PANK1: variants seen among roughly 807,000 people sequenced by gnomAD.
PANK1 encodes pantothenate kinase 1, also known as pantothenic acid kinase 1.
PANK1 carries 18 observed loss-of-function variants against 40.1 expected under a neutral mutation model. That is an observed-to-expected ratio of 0.45 (90% confidence interval 0.31 to 0.67). The LOEUF is 0.67. Among genes scored for constraint, PANK1 ranks in the 30% least tolerant of loss-of-function variants. PANK1 has a pLI of 0.06. For missense variants in PANK1, 457 were observed against 599.6 expected (o/e 0.76, Z 2.48); for synonymous variants, 242 against 237.7 (o/e 1.02, Z -0.17).
chr10:89,613,825 C>A (rs1429458426), intron 1 of PANK1, among the ~76,000 whole-genome samples: 1 of 152,220 alleles, frequency 6.6e-6, no homozygotes, highest in Non-Finnish European at 1.5e-5. Context: ...GCATGGGCCA[C>A]AGTGTAGGAG....
At chr10:89,631,126 T>C (rs750628804) in intron 1 of PANK1, among the ~76,000 whole-genome samples, 10 of 152,206 alleles carry the variant, frequency 6.6e-5, no homozygotes, top group Admixed American at 2.0e-4. Context: ...AGTATAAAAG[T>C]TGATATTAAT....
intron 3 of PANK1, among the ~76,000 whole-genome samples, chr10:89,595,951 TGTAGCTAG>T (rs1165779218): frequency 6.7e-6 from 1 of 148,330 alleles, no homozygotes; most frequent in Non-Finnish European, 1.5e-5. Flanking sequence ...TGGAAAATTA[TGTAGCTAG>T]GTACCACCAG....
At chr10:89,594,982 T>C (rs1268325012) in intron 3 of PANK1, among the ~76,000 whole-genome samples, 2 of 152,390 alleles carry the variant, frequency 1.3e-5, no homozygotes, top group Admixed American at 6.5e-5. Context: ...CACATCCATC[T>C]GTTCTGAAGC....
At chr10:89,614,539 T>A (rs7905270) in intron 1 of PANK1, among the ~76,000 whole-genome samples, 82,470 of 151,874 alleles carry the variant, frequency 0.54, 23,251 homozygotes, top group South Asian at 0.63. Context: ...GGCTCACACC[T>A]GTAATCCTAG....
chr10:89,584,531 C>G, intron 6 of PANK1, 66 bp from the exon 7 acceptor site: 2 of 1,014,664 alleles, frequency 2.0e-6, no homozygotes, highest in Non-Finnish European at 3.1e-6. Context: ...TTTAATAATT[C>G]TAGGAATGCC....
intron 1 of PANK1, among the ~76,000 whole-genome samples, chr10:89,632,992 A>T (rs1841695884): frequency 6.6e-6 from 1 of 152,186 alleles, no homozygotes; most frequent in African/African-American, 2.4e-5. Flanking sequence ...CAATAATTCA[A>T]TTAGTATTAC....
At chr10:89,592,834 G>A (rs1284753499) in intron 5 of PANK1, 5 of 538,544 alleles carry the variant, frequency 9.3e-6, no homozygotes, top group African/African-American at 5.7e-5. Flanking sequence ...AGAGAATATC[G>A]AATATTGCAA....
chr10:89,588,731 A>G lies in PANK1; in HGVS notation c.1247T>C (p.Met416Thr). The G allele has an allele frequency of 6.2e-7, 1 of 1,604,836 alleles. No homozygotes were observed. The highest frequency in any genetic ancestry group is 1.7e-5 in the Admixed American group (1 of 59,102). ...ATATGCCAGCAGCTTCATGGAGACC[A>G]TATTGATTCTGAGAAAATTTCCAAC... ...VFVGNFLRINMVSMKLLAYAM... is the reference protein window; with the variant it reads ...VFVGNFLRINTVSMKLLAYAM... The change falls in exon 6 of 7, where the codon ATG becomes ACG. Residue 416 changes from methionine (M) to threonine (T), a missense_variant. Transcript: ENST00000307534.
chr10:89,609,266 T>C (rs757948102), intron 2 of PANK1, among the ~76,000 whole-genome samples: 4 of 152,166 alleles, frequency 2.6e-5, no homozygotes, highest in Admixed American at 6.5e-5. Flanking sequence ...GGTTACACCA[T>C]GTTGGCCAGG....
At chr10:89,617,883 A>G (rs1400122604) in intron 1 of PANK1, among the ~76,000 whole-genome samples, 1 of 152,240 alleles carries the variant, frequency 6.6e-6, no homozygotes, top group African/African-American at 2.4e-5. Flanking sequence ...ACTGCCAAAG[A>G]AACTGCAATC....
At chr10:89,618,866 C>T (rs558649086) in intron 1 of PANK1, among the ~76,000 whole-genome samples, 9 of 152,320 alleles carry the variant, frequency 5.9e-5, no homozygotes, top group African/African-American at 2.2e-4. Context: ...ATGGAGCTTC[C>T]AGCCACCTTT....
intron 6 of PANK1, among the ~76,000 whole-genome samples, chr10:89,587,637 G>A (rs74430665): frequency 0.037 from 5,566 of 152,216 alleles, 375 homozygotes; most frequent in East Asian, 0.27. Context: ...GATAACTACA[G>A]GACTCCAATC....
intron 1 of PANK1, among the ~76,000 whole-genome samples, chr10:89,618,580 A>G (rs1306727419): frequency 6.6e-6 from 1 of 152,200 alleles, no homozygotes; most frequent in Non-Finnish European, 1.5e-5. Flanking sequence ...CTGTGTCACT[A>G]GTGCAGCTGG....
At chr10:89,595,831 AAAATATATATATATATATATATATAT>A (rs1217606654) in intron 3 of PANK1, among the ~76,000 whole-genome samples, 5 of 56,728 alleles carry the variant, frequency 8.8e-5, no homozygotes, top group African/African-American at 2.0e-4. Flanking sequence ...AAAAAAAAAA[AAAATATATATATATATATATATATAT>A]ATATATATAT....
intron 2 of PANK1, among the ~76,000 whole-genome samples, chr10:89,603,282 C>T (rs1055682597): frequency 1.3e-5 from 2 of 152,184 alleles, no homozygotes; most frequent in African/African-American, 4.8e-5. Flanking sequence ...GAGATGCATA[C>T]ATGGACTCTT....
At chr10:89,594,532 C>A (rs1844507326) in intron 3 of PANK1, among the ~76,000 whole-genome samples, 1 of 152,170 alleles carries the variant, frequency 6.6e-6, no homozygotes, top group Non-Finnish European at 1.5e-5. Context: ...TTTTACCTGA[C>A]CTTGCTTCTC....
intron 1 of PANK1, among the ~76,000 whole-genome samples, chr10:89,621,335 TTG>T (rs1845479776): frequency 6.6e-6 from 1 of 151,976 alleles, no homozygotes; most frequent in Non-Finnish European, 1.5e-5. Flanking sequence ...TTAAATCCAA[TTG>T]TGTAATGAAT....
intron 1 of PANK1, among the ~76,000 whole-genome samples, chr10:89,620,593 G>C (rs571097758): frequency 6.6e-6 from 1 of 152,294 alleles, no homozygotes; most frequent in Non-Finnish European, 1.5e-5. Context: ...ATGCCCAGCA[G>C]GACATGGAAC....
intron 1 of PANK1, among the ~76,000 whole-genome samples, chr10:89,619,433 T>C (rs1211854951): frequency 6.6e-6 from 1 of 152,216 alleles, no homozygotes; most frequent in Non-Finnish European, 1.5e-5. Context: ...TTTAAAAAGC[T>C]AAGGGAGCAT....
Sources: allele counts gnomAD v4.1 joint callset (sites outside exome capture counted in the v4.1 genomes callset), GRCh38; gene constraint gnomAD v4.1.1; transcripts MANE v1.5; gene names NCBI Gene and HGNC (gene_info 2026-07-23, HGNC 2026-07-21).